The following SV2B variants were observed in gnomAD, a reference collection of about 807,000 sequenced individuals.
The protein encoded by SV2B is synaptic vesicle glycoprotein 2B.
SV2B carries 41 observed loss-of-function variants against 73.9 expected under a neutral mutation model. That is an observed-to-expected ratio of 0.56 (90% confidence interval 0.43 to 0.72). SV2B has a LOEUF of 0.72. Ranked by LOEUF, SV2B falls within the 30% of genes least tolerant of loss-of-function variation. SV2B has a pLI of 0.00. For synonymous variants in SV2B, 314 were observed against 314.2 expected (o/e 1.00, Z 0.01); for missense variants, 764 against 857.8 (o/e 0.89, Z 1.37).
At chr15:91,204,151 C>T (rs951030543) in intron 1 of SV2B, among the ~76,000 whole-genome samples, 1 of 152,100 alleles carries the variant, frequency 6.6e-6, no homozygotes, top group Non-Finnish European at 1.5e-5. Flanking sequence ...GTAGGGCGTG[C>T]GGGACTGCTC....
intron 1 of SV2B, among the ~76,000 whole-genome samples, chr15:91,202,774 A>G (rs188777379): frequency 6.6e-4 from 101 of 152,266 alleles, no homozygotes; most frequent in Non-Finnish European, 1.1e-3. Context: ...CTGAAGCTGG[A>G]AAGGTTGTAG....
intron 9 of SV2B, among the ~76,000 whole-genome samples, chr15:91,271,609 C>T (rs2048319287): frequency 6.6e-6 from 1 of 152,190 alleles, no homozygotes; most frequent in South Asian, 2.1e-4. Context: ...CCTATACCCA[C>T]TATTATTTGA....
intron 1 of SV2B, among the ~76,000 whole-genome samples, chr15:91,195,025 A>G (rs557466009): frequency 5.9e-5 from 9 of 152,266 alleles, no homozygotes; most frequent in African/African-American, 2.2e-4. Flanking sequence ...CAGTGGATAT[A>G]TAGCCCAAAG....
At chr15:91,194,654 C>G (rs992205953) in intron 1 of SV2B, among the ~76,000 whole-genome samples, 5 of 152,170 alleles carry the variant, frequency 3.3e-5, no homozygotes, top group Non-Finnish European at 7.3e-5. Context: ...TTCAGGAAAC[C>G]CATCAGGGAT....
Position 91,242,022 on chromosome 15 carries a change from C to G in SV2B, c.452-9797C>G, listed in dbSNP as rs2047037025. On this transcript the variant is annotated intron_variant, in intron 2 of 12. Coordinates refer to ENST00000394232, the MANE Select transcript of SV2B (RefSeq NM_001323032.3). This position sits in a 1 kb window ranked among gnomAD's most constrained non-coding sequence, Gnocchi z 4.9. Reference sequence around the variant, plus strand: ...CGCCTCTTCAGAAACCTGCTCTTGTCTAGATCACTCTTGGCCTCCACTTGC... The same window carrying G: ...CGCCTCTTCAGAAACCTGCTCTTGTGTAGATCACTCTTGGCCTCCACTTGC... 6.6e-6 allele frequency among the ~76,000 whole-genome samples: 1 copy of G among 152,118 alleles called. No homozygotes were observed. Among genetic ancestry groups the G allele is most frequent in the South Asian group, 2.1e-4 (1 of 4,834 alleles).
intron 1 of SV2B, among the ~76,000 whole-genome samples, chr15:91,169,921 C>G (rs780615658): frequency 6.6e-6 from 1 of 152,236 alleles, no homozygotes; most frequent in Non-Finnish European, 1.5e-5. Flanking sequence ...GGAAAATCAG[C>G]GGCGCAAATA....
Position 91,296,720 on chromosome 15 carries a change from G to A in SV2B, c.*4168G>A, listed in dbSNP as rs190429889. On this transcript the variant is annotated 3_prime_UTR_variant, in exon 13 of 13. Transcript: ENST00000394232. ...TCCTTCTGCCTGATCATGGGCACAC[G>A]CTCCTTCTGCCCGATCATGGGCACA... The A allele has an allele frequency of 3.6e-4, 49 of 136,252 alleles. No homozygotes were observed. In the East Asian group the frequency reaches 9.3e-3, roughly 26 times the overall value. 8.4% of individuals were successfully genotyped at this position (136,252 alleles called of 1,614,324 possible). A position where few individuals can be genotyped will look rare whatever the true frequency, so the allele number is the denominator to read the frequency against.
At chr15:91,163,339 A>T (rs1044623343) in intron 1 of SV2B, among the ~76,000 whole-genome samples, 7 of 152,234 alleles carry the variant, frequency 4.6e-5, no homozygotes, top group African/African-American at 1.7e-4. Context: ...GAATCGCCAC[A>T]CTGATTTCCA....
At chr15:91,276,060 G>T (rs1399027973) in intron 9 of SV2B, among the ~76,000 whole-genome samples, 3 of 144,870 alleles carry the variant, frequency 2.1e-5, no homozygotes, top group Non-Finnish European at 4.6e-5. Context: ...AATCTGGGTG[G>T]ACAGTTTTTT....
rs1179900300 is a variant in SV2B at position 91,252,064 on chromosome 15, A to G, written c.632+65A>G. The G allele has an allele frequency of 1.9e-6, 3 of 1,566,298 alleles. No homozygotes were observed. The African/African-American group carries it at 4.1e-5, about 21-fold the overall frequency. On this transcript the variant is annotated intron_variant, in intron 3 of 12. Transcript: ENST00000394232. The surrounding 1 kb of genome is among the most constrained non-coding windows in gnomAD (Gnocchi z 4.6). ...AATGGCCCATCCATTCTGGTATTCTAGCTCCAAGAGGTAACTCTAGAAACC... is the reference window on the plus strand; with the variant it reads ...AATGGCCCATCCATTCTGGTATTCTGGCTCCAAGAGGTAACTCTAGAAACC...
intron 6 of SV2B, among the ~76,000 whole-genome samples, chr15:91,262,712 G>A (rs1041661377): frequency 6.6e-6 from 1 of 152,058 alleles, no homozygotes; most frequent in Admixed American, 6.6e-5. Flanking sequence ...AACATGTACT[G>A]CAAACATTTA....
At chr15:91,209,994 A>G (rs79958190) in intron 1 of SV2B, among the ~76,000 whole-genome samples, 8,505 of 151,886 alleles carry the variant, frequency 0.056, 398 homozygotes, top group African/African-American at 0.13. Flanking sequence ...TGGGGAAGAG[A>G]ATGGGGAGAT....
intron 1 of SV2B, among the ~76,000 whole-genome samples, chr15:91,164,829 G>C (rs1287228754): frequency 1.3e-5 from 2 of 152,214 alleles, no homozygotes; most frequent in Admixed American, 1.3e-4. Flanking sequence ...GGACAGTGGA[G>C]AGCCATGCAA....
At position 91,267,708 on chromosome 15, in the gene SV2B, G is replaced by A; in HGVS notation, c.1208+65G>A. 7.9e-7 allele frequency: 1 copy of A among 1,270,974 alleles called. No individual in the cohort carries two copies. Among genetic ancestry groups the A allele is most frequent in the Non-Finnish European group, 1.1e-6 (1 of 886,678 alleles). The allele number at this position is 1,270,974 out of a possible 1,614,324, so 78.7% of individuals were successfully genotyped here. On this transcript the variant is annotated intron_variant, in intron 8 of 12. Transcript: ENST00000394232. The surrounding 1 kb of genome is among the most constrained non-coding windows in gnomAD (Gnocchi z 4.3). ...CTCAGTGGCCTCCTTTACACATTGAGGATTACAGTGAGTTCTGACTTAGAA... is the reference window on the plus strand; with the variant it reads ...CTCAGTGGCCTCCTTTACACATTGAAGATTACAGTGAGTTCTGACTTAGAA...
At position 91,296,735 on chromosome 15, in the gene SV2B, T is replaced by C. The variant is rs1377859002; in HGVS notation, c.*4183T>C. ...ATGGGCACACGCTCCTTCTGCCCGA[T>C]CATGGGCACACGCTCCTTCTGCCCG... On this transcript the variant is annotated 3_prime_UTR_variant, in exon 13 of 13. Transcript: ENST00000394232. 1 of 147,176 alleles carries C rather than the reference T, an allele frequency of 6.8e-6. No homozygotes were observed. The highest frequency in any genetic ancestry group is 1.5e-5 in the Non-Finnish European group (1 of 68,314). The allele number at this position is 147,176 out of a possible 1,614,324, so 9.1% of individuals were successfully genotyped here. A position where few individuals can be genotyped will look rare whatever the true frequency, so the allele number is the denominator to read the frequency against.
chr15:91,127,447 G>A (rs1187007097), intron 1 of SV2B, among the ~76,000 whole-genome samples: 1 of 152,000 alleles, frequency 6.6e-6, no homozygotes, highest in Non-Finnish European at 1.5e-5. Flanking sequence ...AAGGCATCCT[G>A]TTCTCCAAGC....
intron 1 of SV2B, among the ~76,000 whole-genome samples, chr15:91,120,673 G>A (rs1310508999): frequency 6.6e-6 from 1 of 151,952 alleles, no homozygotes; most frequent in Non-Finnish European, 1.5e-5. Flanking sequence ...AATTAGCCAG[G>A]TGTGGTGGCA....
intron 1 of SV2B, among the ~76,000 whole-genome samples, chr15:91,193,921 A>G (rs1325986928): frequency 1.3e-5 from 2 of 152,032 alleles, no homozygotes; most frequent in African/African-American, 4.8e-5. Context: ...CAACGTTTTT[A>G]TCCTCTTTTT....
chr15:91,263,179 C>G (rs1024396572), intron 6 of SV2B, among the ~76,000 whole-genome samples: 1 of 150,896 alleles, frequency 6.6e-6, no homozygotes, highest in Non-Finnish European at 1.5e-5. Flanking sequence ...CACACAGACA[C>G]AGAGACACAC....
Sources: allele counts gnomAD v4.1 joint callset (sites outside exome capture counted in the v4.1 genomes callset), GRCh38; gene constraint gnomAD v4.1.1; non-coding constraint Gnocchi (gnomAD v3.1); transcripts MANE v1.5; gene names NCBI Gene and HGNC (gene_info 2026-07-23, HGNC 2026-07-21).